PRDM16: variants seen among roughly 807,000 people sequenced by gnomAD.
The protein encoded by PRDM16 is PR/SET domain 16.
In PRDM16, 23 loss-of-function variants were observed where a neutral mutation model predicts 110.6. That is an observed-to-expected ratio of 0.21 (90% CI 0.15 to 0.29). PRDM16 has a LOEUF of 0.29. PRDM16 is among the 10% of genes least tolerant of loss of function. The pLI is 1.00. For missense variants in PRDM16, 1,615 were observed against 1,794.3 expected, an observed-to-expected ratio of 0.90 and a Z score of 1.81; for synonymous variants, 799 against 781.8, an observed-to-expected ratio of 1.02 and a Z score of -0.37.
chr1:3,089,275 C>T (rs542896134), intron 1 of PRDM16, among the ~76,000 whole-genome samples: 1 of 152,340 alleles, frequency 6.6e-6, no homozygotes, highest in East Asian at 1.9e-4. Context: ...AGCTCCCGCA[C>T]AATAGGGACT....
intron 2 of PRDM16, among the ~76,000 whole-genome samples, chr1:3,202,690 G>A (rs767496463): frequency 2.6e-5 from 4 of 152,174 alleles, no homozygotes; most frequent in African/African-American, 7.2e-5. Context: ...TTCGAAAAGC[G>A]ATGTGCAGGT....
intron 1 of PRDM16, among the ~76,000 whole-genome samples, chr1:3,181,394 G>T (rs796509434): frequency 2.2e-4 from 1 of 4,614 alleles, no homozygotes; most frequent in East Asian, 5.3e-3. Flanking sequence ...ACGGCCTTAC[G>T]CATGGTCTTA....
At chr1:3,421,894 A>G (rs1638440129) in intron 12 of PRDM16, among the ~76,000 whole-genome samples, 1 of 151,862 alleles carries the variant, frequency 6.6e-6, no homozygotes, top group South Asian at 2.1e-4. Context: ...ACAGACAGGA[A>G]GATAGGCAGG....
intron 3 of PRDM16, among the ~76,000 whole-genome samples, chr1:3,348,174 C>G (rs565391266): frequency 2.6e-5 from 4 of 152,270 alleles, no homozygotes; most frequent in African/African-American, 9.6e-5. Context: ...GGGTCTGGCC[C>G]AACCGTAGCC....
At chr1:3,367,803 C>T (rs1408938566) in intron 3 of PRDM16, among the ~76,000 whole-genome samples, 1 of 152,110 alleles carries the variant, frequency 6.6e-6, no homozygotes, top group Non-Finnish European at 1.5e-5. Context: ...TGTTATGATT[C>T]TGTTATATTT....
intron 2 of PRDM16, among the ~76,000 whole-genome samples, chr1:3,223,245 C>T (rs1258425222): frequency 6.6e-6 from 1 of 151,482 alleles, no homozygotes; most frequent in Admixed American, 6.6e-5. Context: ...ATGAACACAC[C>T]CTGGGCCAGT....
chr1:3,141,346 T>C (rs1186026021), intron 1 of PRDM16, among the ~76,000 whole-genome samples: 4 of 152,196 alleles, frequency 2.6e-5, no homozygotes, highest in Non-Finnish European at 4.4e-5. Context: ...TTATGACTGG[T>C]GCCTGCAATT....
At position 3,425,075 on chromosome 1, in the gene PRDM16, C is replaced by CTTT. The variant is rs34261616; in HGVS notation, c.2940-488_2940-486dup. 12 of 123,078 alleles carry CTTT rather than the reference C, an allele frequency of 9.7e-5. No homozygotes were observed. The highest frequency in any genetic ancestry group is 1.7e-4 in the Admixed American group (2 of 11,962). 7.6% of individuals were successfully genotyped at this position (123,078 alleles called of 1,614,324 possible). On this transcript the variant is annotated intron_variant, in intron 12 of 16. Coordinates refer to ENST00000270722, the MANE Select transcript of PRDM16 (RefSeq NM_022114.4). This position sits in a 1 kb window ranked among gnomAD's most constrained non-coding sequence, Gnocchi z 6.9. ...CAGTAGGAGGGTGAACGCCTGCTTG[C>CTTT]TTTTTTTTTTTTTTTTTTTTGAGAT...
chr1:3,377,331 T>C (rs898693910), intron 3 of PRDM16, among the ~76,000 whole-genome samples: 5 of 152,084 alleles, frequency 3.3e-5, no homozygotes, highest in Admixed American at 1.3e-4. Context: ...CTAGGCAAGC[T>C]GATGATGGAT....
chr1:3,216,187 T>G (rs1233256828), intron 2 of PRDM16, among the ~76,000 whole-genome samples: 1 of 152,128 alleles, frequency 6.6e-6, no homozygotes, highest in Non-Finnish European at 1.5e-5. Context: ...GGGAAAAATG[T>G]TTCCACATAT....
At position 3,411,240 on chromosome 1, in the gene PRDM16, A is replaced by G. The variant is rs1328139567; in HGVS notation, c.1187-144A>G. ...AGTACACACATATACACCCATGCCC[A>G]CGCACATGCACCCAGACAGACTGCT... On this transcript the variant is annotated intron_variant, in intron 8 of 16. Transcript: ENST00000270722. The G allele has an allele frequency of 1.2e-5, 9 of 735,324 alleles. No individual in the cohort carries two copies. The Admixed American group carries it at 2.2e-4, about 18-fold the overall frequency. The allele number at this position is 735,324 out of a possible 1,614,324, so 45.5% of individuals were successfully genotyped here.
chr1:3,418,303 G>A (rs1283375959), intron 11 of PRDM16, among the ~76,000 whole-genome samples: 1 of 152,212 alleles, frequency 6.6e-6, no homozygotes, highest in Non-Finnish European at 1.5e-5. Flanking sequence ...GGAGGGATGG[G>A]AAGCCCAGTG....
intron 12 of PRDM16, among the ~76,000 whole-genome samples, chr1:3,420,773 C>T (rs1314666147): frequency 6.6e-6 from 1 of 152,008 alleles, no homozygotes; most frequent in Non-Finnish European, 1.5e-5. Context: ...AGCATATAGG[C>T]TTTGCGGGAT....
At chr1:3,273,533 G>T (rs923450508) in intron 3 of PRDM16, among the ~76,000 whole-genome samples, 2 of 152,216 alleles carry the variant, frequency 1.3e-5, no homozygotes, top group South Asian at 2.1e-4. Flanking sequence ...GTGTACGTGG[G>T]TGGGTATATG....
At chr1:3,300,861 T>A (rs1641192959) in intron 3 of PRDM16, among the ~76,000 whole-genome samples, 1 of 152,216 alleles carries the variant, frequency 6.6e-6, no homozygotes, top group Non-Finnish European at 1.5e-5. Flanking sequence ...CCCAGACTTT[T>A]GTCCTTCAGC....
At position 3,417,842 on chromosome 1, in the gene PRDM16, G is replaced by C; in HGVS notation, c.2706G>C (p.Glu902Asp). 1 of 1,613,870 alleles carries C rather than the reference G, an allele frequency of 6.2e-7. No individual in the cohort carries two copies. The highest frequency in any genetic ancestry group is 8.5e-7 in the Non-Finnish European group (1 of 1,179,954). The change falls in exon 11 of 17, where the codon GAG (glutamate) becomes GAC (aspartate). Residue 902 changes from glutamate to aspartate, a missense_variant. Glu to Asp is a conservative substitution (Grantham distance 45). This residue lies in a region of PRDM16 where 772 missense variants were observed against 748.3 expected (regional missense o/e 1.03). Coordinates refer to ENST00000270722, the MANE Select transcript of PRDM16 (RefSeq NM_022114.4). ...LLFHPQMSAIETMTEKLESFA... is the reference protein window; with the variant it reads ...LLFHPQMSAIDTMTEKLESFA... ...TATGCCTACAGATGTCAGCCATAGA[G>C]ACCATGACAGAGAAGCTGGAGAGCT...
intron 3 of PRDM16, among the ~76,000 whole-genome samples, chr1:3,253,116 T>A (rs552258092): frequency 6.6e-6 from 1 of 152,040 alleles, no homozygotes; most frequent in East Asian, 1.9e-4. Flanking sequence ...CCTGCATGGA[T>A]CCCCACACTA....
chr1:3,202,929 G>A (rs894264634), intron 2 of PRDM16, among the ~76,000 whole-genome samples: 1 of 152,236 alleles, frequency 6.6e-6, no homozygotes, highest in African/African-American at 2.4e-5. Context: ...CAGAGACGAA[G>A]AACGTGGCGG....
intron 1 of PRDM16, among the ~76,000 whole-genome samples, chr1:3,101,305 G>T (rs964030563): frequency 1.3e-5 from 2 of 152,210 alleles, no homozygotes; most frequent in South Asian, 2.1e-4. Context: ...GATGAGGGCC[G>T]CGAGGCAGTG....
Sources: gnomAD v4.1 joint callset for allele counts (sites outside exome capture counted in the v4.1 genomes callset) on GRCh38, gnomAD v4.1.1 for gene constraint, gnomAD v4.1.1 regional missense constraint, Gnocchi (gnomAD v3.1) non-coding constraint, MANE v1.5 for transcripts, NCBI Gene and HGNC (gene_info 2026-07-23, HGNC 2026-07-21) for gene names.